The following JAZF1 variants were observed in gnomAD, a reference collection of about 807,000 sequenced individuals.
The protein encoded by JAZF1 is juxtaposed with another zinc finger protein 1.
In JAZF1, 8 loss-of-function variants were observed where a neutral mutation model predicts 26.4. The ratio of observed to expected loss-of-function variants is 0.30; its 90% confidence interval spans 0.18 to 0.55. JAZF1 has a LOEUF of 0.55. Ranked by LOEUF, JAZF1 falls within the 20% of genes least tolerant of loss-of-function variation. The pLI is 0.94. For synonymous variants in JAZF1, 126 were observed against 122.3 expected (o/e 1.03, Z -0.20); for missense variants, 199 against 322.0 (o/e 0.62, Z 2.92).
intron 2 of JAZF1, among the ~76,000 whole-genome samples, chr7:27,930,534 C>T (rs10239787): frequency 0.27 from 41,233 of 152,008 alleles, 6,282 homozygotes; most frequent in Middle Eastern, 0.38. Context: ...TTAATGAAAA[C>T]AGGCACATTT....
chr7:28,142,693 T>C (rs1477687199), intron 1 of JAZF1, among the ~76,000 whole-genome samples: 1 of 152,216 alleles, frequency 6.6e-6, no homozygotes, highest in South Asian at 2.1e-4. Flanking sequence ...AGAGTATGTC[T>C]CAGCAGGCCA....
chr7:27,945,556 C>T (rs150307671), intron 2 of JAZF1, among the ~76,000 whole-genome samples: 2 of 152,314 alleles, frequency 1.3e-5, no homozygotes, highest in African/African-American at 4.8e-5. Context: ...CCGTTTTTTA[C>T]GGTTGATTTT....
At chr7:27,976,193 A>G (rs535744569) in intron 2 of JAZF1, among the ~76,000 whole-genome samples, 1 of 152,152 alleles carries the variant, frequency 6.6e-6, no homozygotes, top group South Asian at 2.1e-4. Flanking sequence ...AAATACAAAA[A>G]AAATTAGCCG....
chr7:27,868,712 C>T (rs924203437), intron 3 of JAZF1, among the ~76,000 whole-genome samples: 1 of 152,294 alleles, frequency 6.6e-6, no homozygotes, highest in African/African-American at 2.4e-5. Flanking sequence ...GAGCATGGTA[C>T]CCAAGTCAAA....
At chr7:28,049,003 T>TC in intron 1 of JAZF1, among the ~76,000 whole-genome samples, 1 of 135,226 alleles carries the variant, frequency 7.4e-6, no homozygotes, top group Non-Finnish European at 1.6e-5. Context: ...TTCCTTCCCT[T>TC]CCTTCCTCCC....
chr7:27,970,006 T>C (rs1045133329), intron 2 of JAZF1, among the ~76,000 whole-genome samples: 7 of 152,228 alleles, frequency 4.6e-5, no homozygotes, highest in Non-Finnish European at 1.0e-4. Context: ...AGTCACTGAA[T>C]TTCTCTGATC....
chr7:27,885,185 T>C (rs1262801499), intron 3 of JAZF1, among the ~76,000 whole-genome samples: 3 of 152,212 alleles, frequency 2.0e-5, no homozygotes, highest in African/African-American at 7.2e-5. Context: ...GTACCCCAAA[T>C]TGGATAGCAC....
chr7:27,838,766 T>A (rs1308700102), intron 4 of JAZF1, among the ~76,000 whole-genome samples: 1 of 152,194 alleles, frequency 6.6e-6, no homozygotes, highest in Non-Finnish European at 1.5e-5. Context: ...CAGCGCCTGG[T>A]CACAGGTGTG....
intron 1 of JAZF1, among the ~76,000 whole-genome samples, chr7:28,029,700 T>C (rs1783152790): frequency 6.6e-6 from 1 of 152,228 alleles, no homozygotes; most frequent in Non-Finnish European, 1.5e-5. Flanking sequence ...TTAGATCTTT[T>C]CTTACAGCAT....
chr7:28,004,714 A>T lies in JAZF1; in HGVS notation c.116-12733T>A, dbSNP rs576917468. Among the ~76,000 whole-genome samples the T allele has an allele frequency of 7.4e-4, 112 of 152,154 alleles. 2 individuals are homozygous for T. Among genetic ancestry groups the T allele is most frequent in the African/African-American group, 2.6e-3 (107 of 41,492 alleles). On this transcript the variant is annotated intron_variant, in intron 1 of 4. Coordinates refer to ENST00000283928, the MANE Select transcript of JAZF1 (RefSeq NM_175061.4). Reference sequence around the variant, plus strand: ...GTCCCTCAGGCTGGAATGCAGTGGCATGATCTCAGCTTACTGCAACCTCCG... The same window carrying T: ...GTCCCTCAGGCTGGAATGCAGTGGCTTGATCTCAGCTTACTGCAACCTCCG...
At chr7:27,926,371 G>C (rs567470027) in intron 2 of JAZF1, among the ~76,000 whole-genome samples, 1 of 152,282 alleles carries the variant, frequency 6.6e-6, no homozygotes, top group African/African-American at 2.4e-5. Flanking sequence ...AAGGGAGATG[G>C]TGAAAAAGAG....
chr7:28,176,796 A>G (rs1783557474), intron 1 of JAZF1, among the ~76,000 whole-genome samples: 2 of 152,192 alleles, frequency 1.3e-5, no homozygotes, highest in Non-Finnish European at 2.9e-5. Context: ...TGTGTTTCTC[A>G]GACAAAAAGC....
chr7:28,073,626 G>A (rs1784009403), intron 1 of JAZF1, among the ~76,000 whole-genome samples: 1 of 152,188 alleles, frequency 6.6e-6, no homozygotes, highest in Admixed American at 6.5e-5. Context: ...AGAATAAGGA[G>A]CCCTCACGTC....
In JAZF1 at chr7:28,141,286, T is replaced by C. The variant is rs186710539; in HGVS notation, c.115+39177A>G. Among the ~76,000 whole-genome samples the C allele has an allele frequency of 9.9e-5, 15 of 151,978 alleles. No individual in the cohort carries two copies. In the East Asian group the frequency reaches 2.7e-3, roughly 27 times the overall value. On this transcript the variant is annotated intron_variant, in intron 1 of 4. Coordinates refer to ENST00000283928, the MANE Select transcript of JAZF1 (RefSeq NM_175061.4). ...AAAGCCTGACAACCAGAACAGAAGG[T>C]TTAAGGAAAGGATTTTTCAAAGACT...
intron 1 of JAZF1, among the ~76,000 whole-genome samples, chr7:28,065,442 TCAGA>T (rs1255741705): frequency 1.3e-5 from 2 of 151,622 alleles, no homozygotes; most frequent in Non-Finnish European, 2.9e-5. Flanking sequence ...AGGAGAACAA[TCAGA>T]CAGTGAGGTG....
intron 2 of JAZF1, among the ~76,000 whole-genome samples, chr7:27,931,163 A>G (rs1266050501): frequency 6.6e-6 from 1 of 152,232 alleles, no homozygotes; most frequent in African/African-American, 2.4e-5. Flanking sequence ...CAGACAGGAA[A>G]TATTTTAGGC....
intron 2 of JAZF1, among the ~76,000 whole-genome samples, chr7:27,916,631 T>A (rs907371874): frequency 6.6e-6 from 1 of 152,228 alleles, no homozygotes; most frequent in African/African-American, 2.4e-5. Context: ...GCTTAGGGAC[T>A]CTAGATAGCA....
chr7:27,974,467 G>A (rs978967435), intron 2 of JAZF1, among the ~76,000 whole-genome samples: 6 of 152,168 alleles, frequency 3.9e-5, no homozygotes, highest in South Asian at 2.1e-4. Context: ...AGTACAGTGC[G>A]AAACACTTCA....
chr7:28,000,185 T>C (rs976186484), intron 1 of JAZF1, among the ~76,000 whole-genome samples: 1 of 152,172 alleles, frequency 6.6e-6, no homozygotes, highest in Admixed American at 6.5e-5. Context: ...TTTTTAGAGA[T>C]ACTTCAGAAG....
Sources: gnomAD v4.1 joint callset for allele counts (sites outside exome capture counted in the v4.1 genomes callset) on GRCh38, gnomAD v4.1.1 for gene constraint, MANE v1.5 for transcripts, NCBI Gene and HGNC (gene_info 2026-07-23, HGNC 2026-07-21) for gene names.